F5: variants seen among roughly 807,000 people sequenced by gnomAD.
F5 encodes the protein activated protein c cofactor.
In F5, 138 loss-of-function variants were observed where a neutral mutation model predicts 216.4. The observed-to-expected ratio is 0.64, with a 90% CI of 0.56 to 0.73. F5 has a LOEUF of 0.73. Ranked by LOEUF, F5 falls within the 30% of genes least tolerant of loss-of-function variation. The pLI is 0.00. For synonymous variants in F5, 916 were observed against 930.7 expected (o/e 0.98, Z 0.29); for missense variants, 2,403 against 2,674.0 (o/e 0.90, Z 2.24).
intron 23 of F5, 177 bp from the exon 24 acceptor site, chr1:169,515,803 G>C: frequency 1.6e-6 from 1 of 624,352 alleles, no homozygotes. Context: ...CAATATGTGT[G>C]TAAATTTTTA....
At chr1:169,548,738 G>T (rs1051887025) in intron 10 of F5, among the ~76,000 whole-genome samples, 1 of 151,842 alleles carries the variant, frequency 6.6e-6, no homozygotes, top group Admixed American at 6.6e-5. Flanking sequence ...GGGTGGTGGC[G>T]GGCGCCTGTA....
At chr1:169,539,425 T>C (rs1336720916) in intron 13 of F5, among the ~76,000 whole-genome samples, 2 of 152,118 alleles carry the variant, frequency 1.3e-5, no homozygotes, top group Admixed American at 6.6e-5. Flanking sequence ...AGGCCCTGCA[T>C]CTCACTCCCT....
chr1:169,522,081 A>T (rs986133784), intron 21 of F5, among the ~76,000 whole-genome samples: 5 of 151,904 alleles, frequency 3.3e-5, no homozygotes, highest in Admixed American at 3.3e-4. Flanking sequence ...TTAACAACGT[A>T]GAGGGAATTG....
In F5 at chr1:169,582,639, T is replaced by C. The variant is rs897749889; in HGVS notation, c.159-117A>G. 9.7e-5 allele frequency: 54 copies of C among 555,194 alleles called. No individual in the cohort carries two copies. In the Middle Eastern group the frequency reaches 1.9e-3, roughly 20 times the overall value. 34.4% of individuals were successfully genotyped at this position (555,194 alleles called of 1,614,324 possible). On this transcript the variant is annotated intron_variant, in intron 1 of 24. Transcript: ENST00000367797. ...TTCTAGTAGAATACCAGTATCTTTA[T>C]TGTATTTCAGAAGTCCACAGTTTTA...
chr1:169,572,778 T>A lies in F5; in HGVS notation c.251-435A>T, dbSNP rs146460570. Among the ~76,000 whole-genome samples, 16 of 152,286 alleles carry A rather than the reference T, an allele frequency of 1.1e-4. No homozygotes were observed. The East Asian group carries it at 2.9e-3, about 28-fold the overall frequency. On this transcript the variant is annotated intron_variant, in intron 2 of 24. Transcript: ENST00000367797. ...TGAGGAACCAAATCACACAGCTCTCTGGCTCTGAGGCAGGAGTAGTCTTGA... is the reference window on the plus strand; with the variant it reads ...TGAGGAACCAAATCACACAGCTCTCAGGCTCTGAGGCAGGAGTAGTCTTGA...
chr1:169,522,816 GAACAA>G (rs1411850842), intron 21 of F5, among the ~76,000 whole-genome samples: 1 of 152,096 alleles, frequency 6.6e-6, no homozygotes, highest in Non-Finnish European at 1.5e-5. Flanking sequence ...CTGAAATAAA[GAACAA>G]AACAAACTAC....
chr1:169,571,722 G>C (rs989632788), intron 3 of F5, among the ~76,000 whole-genome samples: 1 of 152,064 alleles, frequency 6.6e-6, no homozygotes, highest in African/African-American at 2.4e-5. Context: ...TATGACTTGA[G>C]GGAAAGAATA....
Position 169,540,720 on chromosome 1 carries a change from G to A in F5, c.4370C>T (p.Pro1457Leu). ...LLPDLSQISP[P>L]PDLDQIFYPS... is the part of the protein sequence containing the mutation. ...GTAGAATATCTGATCAAGGTCTGGA[G>A]GAGGTGATATCTGGCTGAGATCCGG... Residue 1457 changes from proline (P) to leucine (L), a missense_variant, in exon 13 of 25, where the codon CCT becomes CTT. Around this residue, in one of 4 missense-constraint regions of F5, gnomAD observed 293 missense variants for 270.8 expected, o/e 1.08. Transcript: ENST00000367797. The A allele has an allele frequency of 6.2e-7, 1 of 1,614,084 alleles. No individual in the cohort carries two copies. The highest frequency in any genetic ancestry group is 8.5e-7 in the Non-Finnish European group (1 of 1,179,992).
chr1:169,586,374 A>G lies in F5; in HGVS notation c.13T>C (p.Cys5Arg). MFPG[C>R]PRLWVLVVLG... ...ACCACCAGGACCCAGAGGCGTGGGC[A>G]GCCTGGGAACATGCTTCCTTTCCTG... The change falls in exon 1 of 25, where the codon TGC (cysteine) becomes CGC (arginine). Residue 5 changes from cysteine (C) to arginine (R), a missense_variant. By Grantham distance (180) the Cys-to-Arg change is radical. Transcript: ENST00000367797. 1 of 1,613,468 alleles carries G rather than the reference A, an allele frequency of 6.2e-7. No individual in the cohort carries two copies. The highest frequency in any genetic ancestry group is 8.5e-7 in the Non-Finnish European group (1 of 1,179,926).
In F5 at chr1:169,560,567, A is replaced by G. The variant is rs1272533422; in HGVS notation, c.573T>C (p.Leu191=). The change falls in exon 4 of 25, where the codon CTT becomes CTC. Residue 191 remains leucine, a synonymous_variant. Transcript: ENST00000367797. ...GGGTGTTCTTACCTTTTTTACAGAT[A>G]AGCAGGGGCCCAATCAGCCCCGAGT... ...DFNSGLIGPL[L]ICKKGTLTEG... is the part of the protein sequence containing the mutation. 3.7e-6 allele frequency: 6 copies of G among 1,613,542 alleles called. No individual in the cohort carries two copies. Among genetic ancestry groups the G allele is most frequent in the Admixed American group, 3.3e-5 (2 of 59,944 alleles).
chr1:169,531,632 C>G (rs1448060121), intron 14 of F5, among the ~76,000 whole-genome samples: 1 of 151,932 alleles, frequency 6.6e-6, no homozygotes, highest in Non-Finnish European at 1.5e-5. Flanking sequence ...TAGCAAGGAT[C>G]TCGGTGGAAC....
At chr1:169,559,113 G>T in intron 5 of F5, 40 bp downstream of exon 5, 1 of 1,611,964 alleles carries the variant, frequency 6.2e-7, no homozygotes, top group South Asian at 1.1e-5. Flanking sequence ...AATTACTAAT[G>T]ATTTTACTGT....
At position 169,541,466 on chromosome 1, in the gene F5, G is replaced by C. The variant is rs757623569; in HGVS notation, c.3624C>G (p.Leu1208=). ...ELSQTNLSPD[L]SHTTLSPELI... The stretch of plus-strand genomic sequence containing the variant: ...GTTCTGGAGAGAGAGTCGTGTGGCT[G>C]AGGTCTGGAGAGAGGTTTGTCTGGC... Residue 1208 remains leucine, a synonymous_variant, in exon 13 of 25, where the codon CTC becomes CTG. Transcript: ENST00000367797. The C allele has an allele frequency of 3.7e-6, 6 of 1,614,030 alleles. No individual in the cohort carries two copies. In the African/African-American group the frequency reaches 8.0e-5, roughly 22 times the overall value.
intron 3 of F5, among the ~76,000 whole-genome samples, chr1:169,567,437 G>T (rs536132034): frequency 4.0e-5 from 6 of 151,784 alleles, no homozygotes; most frequent in Non-Finnish European, 8.8e-5. Context: ...CTGGAGGTTA[G>T]ATTTCAGTAT....
intron 21 of F5, among the ~76,000 whole-genome samples, chr1:169,522,704 G>A (rs1027994412): frequency 1.3e-5 from 2 of 152,160 alleles, no homozygotes; most frequent in African/African-American, 4.8e-5. Context: ...GGAAGAACCA[G>A]AAGGAGAATG....
At chr1:169,531,082 A>C in intron 14 of F5, 60 bp from the exon 15 acceptor site, 7 of 1,274,822 alleles carry the variant, frequency 5.5e-6, no homozygotes, top group Non-Finnish European at 7.9e-6. Flanking sequence ...AACCACAAAA[A>C]TGTCAGCATT....
intron 3 of F5, 79 bp from the exon 4 acceptor site, chr1:169,560,845 C>T (rs1660465697): frequency 4.7e-6 from 6 of 1,274,084 alleles, no homozygotes. Context: ...CTGGGGATAG[C>T]TAAGATGAGT....
At position 169,542,338 on chromosome 1, in the gene F5, G is replaced by C; in HGVS notation, c.2752C>G (p.Pro918Ala). 1 of 1,600,160 alleles carries C rather than the reference G, an allele frequency of 6.2e-7. No individual in the cohort carries two copies. The highest frequency in any genetic ancestry group is 8.6e-7 in the Non-Finnish European group (1 of 1,169,044). The change falls in exon 13 of 25, where the codon CCT becomes GCT. Residue 918 changes from proline to alanine, a missense_variant. Coordinates refer to ENST00000367797, the MANE Select transcript of F5 (RefSeq NM_000130.5). The stretch of plus-strand genomic sequence containing the variant: ...TCCTTCCAGGGCCTCATTCTGGAAG[G>C]AGAACCAGTGTCTTGGCTAGGAAGG... Reference protein sequence around the residue: ...EDLPSQDTGSPSRMRPWKDPP... With the variant: ...EDLPSQDTGSASRMRPWKDPP...
chr1:169,552,640 T>A lies in F5; in HGVS notation c.1213A>T (p.Thr405Ser). ...ATATTGGGATTCACTGTATGTTTGG[T>A]GAAGGACTCATCTTCGTACTGTGTG... is the stretch of plus-strand genomic sequence containing the variant. ...MYTQYEDESF[T>S]KHTVNPNMKE... Residue 405 changes from threonine (T) to serine (S), a missense_variant, in exon 8 of 25, where the codon ACC (threonine) becomes TCC (serine). Physicochemically the swap from Thr to Ser is moderately conservative, Grantham distance 58. This residue lies in a region of F5 where 1,425 missense variants were observed against 1,554.8 expected (regional missense o/e 0.92). Transcript: ENST00000367797. The A allele has an allele frequency of 6.2e-7, 1 of 1,613,464 alleles. No homozygotes were observed. Among genetic ancestry groups the A allele is most frequent in the Non-Finnish European group, 8.5e-7 (1 of 1,179,542 alleles).
Sources: allele counts gnomAD v4.1 joint callset (sites outside exome capture counted in the v4.1 genomes callset), GRCh38; gene constraint gnomAD v4.1.1; regional missense constraint gnomAD v4.1.1; transcripts MANE v1.5; gene names NCBI Gene and HGNC (gene_info 2026-07-23, HGNC 2026-07-21).